Variants in NFATC1 observed in about 807,000 individuals in gnomAD.
NFATC1 encodes the protein nuclear factor of activated T cells 1.
A neutral mutation model predicts 76.0 loss-of-function variants in NFATC1; 22 were observed. The observed-to-expected ratio is 0.29, with a 90% CI of 0.21 to 0.41. The LOEUF is 0.41. NFATC1 is among the 10% of genes least tolerant of loss of function. The pLI is 1.00. For synonymous variants in NFATC1, 704 were observed against 613.1 expected (o/e 1.15, Z -2.19); for missense variants, 1,357 against 1,337.7 (o/e 1.01, Z -0.23).
At position 79,410,175 on chromosome 18, in the gene NFATC1, G is replaced by C; in HGVS notation, c.128-228G>C. 1 of 768,160 alleles carries C rather than the reference G, an allele frequency of 1.3e-6. No homozygotes were observed. The highest frequency in any genetic ancestry group is 2.3e-6 in the Non-Finnish European group (1 of 428,770). 47.6% of individuals were successfully genotyped at this position (768,160 alleles called of 1,614,324 possible). A position where few individuals can be genotyped will look rare whatever the true frequency, so the allele number is the denominator to read the frequency against. ...TGCTGCTGTTAGGGGAGGAGGGGAG[G>C]TGGGCAGTGAGGGGCTCACGGGAGC... On this transcript the variant is annotated intron_variant, in intron 1 of 9. Transcript: ENST00000427363. This position sits in a 1 kb window ranked among gnomAD's most constrained non-coding sequence, Gnocchi z 6.7.
At chr18:79,412,362 C>T (rs888001982) in intron 2 of NFATC1, among the ~76,000 whole-genome samples, 12 of 152,012 alleles carry the variant, frequency 7.9e-5, no homozygotes, top group East Asian at 1.9e-4. Context: ...TCAGGGCTGC[C>T]GCTGTGTCCT....
At chr18:79,521,047 G>A (rs1026253204) in intron 9 of NFATC1, among the ~76,000 whole-genome samples, 7 of 107,440 alleles carry the variant, frequency 6.5e-5, no homozygotes, top group Non-Finnish European at 1.3e-4. Context: ...GGGGGTGGGA[G>A]CATCCACTGA....
intron 3 of NFATC1, among the ~76,000 whole-genome samples, chr18:79,441,622 T>A (rs1042755118): frequency 1.3e-5 from 2 of 152,144 alleles, no homozygotes; most frequent in African/African-American, 4.8e-5. Flanking sequence ...GGAGAAGTGC[T>A]GAGCGGAAAC....
intron 9 of NFATC1, among the ~76,000 whole-genome samples, chr18:79,519,827 G>A (rs1002751252): frequency 6.6e-6 from 1 of 152,192 alleles, no homozygotes; most frequent in Admixed American, 6.5e-5. Flanking sequence ...CTTTCCTCTT[G>A]CAGCTTAAAG....
At position 79,528,278 on chromosome 18, in the gene NFATC1, C is replaced by G; in HGVS notation, c.*701C>G. On this transcript the variant is annotated 3_prime_UTR_variant, in exon 10 of 10. Coordinates refer to ENST00000427363, the MANE Select transcript of NFATC1 (RefSeq NM_001278669.2). ...CGCATCTTTGTTTTTAATCTGGCTT[C>G]GAACATAGCACAAGTAACTTGAATA... 1 of 214,562 alleles carries G rather than the reference C, an allele frequency of 4.7e-6. No homozygotes were observed. Among genetic ancestry groups the G allele is most frequent in the Non-Finnish European group, 9.1e-6 (1 of 109,552 alleles). 13.3% of individuals were successfully genotyped at this position (214,562 alleles called of 1,614,324 possible).
chr18:79,485,984 C>T (rs2089481063), intron 8 of NFATC1, among the ~76,000 whole-genome samples: 3 of 152,220 alleles, frequency 2.0e-5, no homozygotes, highest in Middle Eastern at 3.2e-3. Flanking sequence ...ACTCCCACTG[C>T]AGTTTGCAAG....
chr18:79,513,936 G>T (rs2090320354), intron 9 of NFATC1, among the ~76,000 whole-genome samples: 1 of 152,212 alleles, frequency 6.6e-6, no homozygotes, highest in Non-Finnish European at 1.5e-5. Flanking sequence ...TCCCTTCTCG[G>T]GGACGTGTCC....
At chr18:79,427,062 G>T (rs1355078347) in intron 2 of NFATC1, among the ~76,000 whole-genome samples, 1 of 152,200 alleles carries the variant, frequency 6.6e-6, no homozygotes, top group Non-Finnish European at 1.5e-5. Context: ...GGCTCTGGGT[G>T]CGGCTGTGGC....
chr18:79,508,768 T>C (rs1166484161), intron 9 of NFATC1, among the ~76,000 whole-genome samples: 1 of 145,956 alleles, frequency 6.9e-6, no homozygotes, highest in Non-Finnish European at 1.5e-5. Context: ...CCTTCCTCGC[T>C]CTGTTTCTCT....
intron 3 of NFATC1, chr18:79,448,403 T>G (rs1600741284): frequency 7.9e-6 from 2 of 254,560 alleles, no homozygotes; most frequent in South Asian, 5.4e-5. Flanking sequence ...CACAGGAAGG[T>G]GGGTCATGTC....
intron 6 of NFATC1, among the ~76,000 whole-genome samples, chr18:79,455,146 A>G (rs559647627): frequency 2.0e-5 from 3 of 152,096 alleles, no homozygotes; most frequent in Non-Finnish European, 4.4e-5. Flanking sequence ...GAGCTGAACA[A>G]CCTCCTTTTC....
rs1425826664 is a variant in NFATC1 at position 79,527,697 on chromosome 18, CA to C, written c.*121del. ...TCAGAACCTCCAACTGACTGAATGC[CA>C]GGAGCTGAACATTAATATGTGCAAA... On this transcript the variant is annotated 3_prime_UTR_variant, in exon 10 of 10. Coordinates refer to ENST00000427363, the MANE Select transcript of NFATC1 (RefSeq NM_001278669.2). 2.3e-6 allele frequency: 2 copies of C among 879,504 alleles called. No homozygotes were observed. Among genetic ancestry groups the C allele is most frequent in the Non-Finnish European group, 3.7e-6 (2 of 540,454 alleles). The allele number at this position is 879,504 out of a possible 1,614,324, so 54.5% of individuals were successfully genotyped here. A position where few individuals can be genotyped will look rare whatever the true frequency, so the allele number is the denominator to read the frequency against.
chr18:79,444,884 G>A (rs1021932572), intron 3 of NFATC1, among the ~76,000 whole-genome samples: 2 of 152,228 alleles, frequency 1.3e-5, no homozygotes, highest in Non-Finnish European at 2.9e-5. Flanking sequence ...GTGAGGAAGT[G>A]GACGCTGCGT....
chr18:79,451,044 A>T lies in NFATC1; in HGVS notation c.1680A>T (p.Val560=). ...ETDIGRKNTR[V]RLVFRVHVPQ... is the part of the protein sequence containing the mutation. ...ACATCGGGAGGAAGAACACACGGGT[A>T]CGGCTGGTGTTCCGCGTTCACGTCC... The change falls in exon 5 of 10, where the codon GTA becomes GTT. Residue 560 remains valine, a synonymous_variant. Coordinates refer to ENST00000427363, the MANE Select transcript of NFATC1 (RefSeq NM_001278669.2). 1 of 1,613,558 alleles carries T rather than the reference A, an allele frequency of 6.2e-7. No homozygotes were observed. The highest frequency in any genetic ancestry group is 8.5e-7 in the Non-Finnish European group (1 of 1,180,018).
At position 79,448,808 on chromosome 18, in the gene NFATC1, G is replaced by A. The variant is rs371927214; in HGVS notation, c.1413G>A (p.Pro471=). ...VQLHGYLENE[P]LMLQLFIGTA... is the part of the protein sequence containing the mutation. ...TGCATGGCTACTTGGAGAATGAGCC[G>A]CTGATGCTGCAGCTTTTCATTGGGA... is the stretch of plus-strand genomic sequence containing the variant. The change falls in exon 4 of 10, where the codon CCG becomes CCA. Residue 471 remains proline (P), a synonymous_variant. Coordinates refer to ENST00000427363, the MANE Select transcript of NFATC1 (RefSeq NM_001278669.2). The A allele has an allele frequency of 2.1e-5, 34 of 1,613,782 alleles. 1 individual carries two copies. The highest frequency in any genetic ancestry group is 1.2e-4 in the African/African-American group (9 of 75,062).
intron 9 of NFATC1, among the ~76,000 whole-genome samples, chr18:79,520,231 A>C (rs62096925): frequency 0.058 from 8,841 of 151,734 alleles, 322 homozygotes; most frequent in Admixed American, 0.097. Flanking sequence ...GGAGGTCCGG[A>C]CGAAATGTTG....
intron 9 of NFATC1, 184 bp from the exon 10 acceptor site, chr18:79,527,344 G>A (rs892359266): frequency 8.0e-5 from 46 of 575,122 alleles, no homozygotes; most frequent in East Asian, 2.3e-4. Context: ...GCTCTCTGCC[G>A]AGGCAGCCAG....
rs116299123 is a variant in NFATC1, at chr18:79,410,064, G to T, written c.128-339G>T. ...GGAAGGACGTTCGGATGAAGATGGG[G>T]TGGTTGGGGAAGGTGGTTTTTGAAT... On this transcript the variant is annotated intron_variant, in intron 1 of 9. Coordinates refer to ENST00000427363, the MANE Select transcript of NFATC1 (RefSeq NM_001278669.2). This position sits in a 1 kb window ranked among gnomAD's most constrained non-coding sequence, Gnocchi z 6.7. The T allele has an allele frequency of 7.2e-3, 4,670 of 650,314 alleles. 151 individuals carry two copies. The African/African-American group carries it at 0.072, about 10-fold the overall frequency. The allele number at this position is 650,314 out of a possible 1,614,324, so 40.3% of individuals were successfully genotyped here. A position where few individuals can be genotyped will look rare whatever the true frequency, so the allele number is the denominator to read the frequency against.
At chr18:79,443,812 G>C (rs972336426) in intron 3 of NFATC1, among the ~76,000 whole-genome samples, 1 of 152,234 alleles carries the variant, frequency 6.6e-6, no homozygotes, top group African/African-American at 2.4e-5. Context: ...GCTGCCCAGA[G>C]ACCCCAGCCC....
Sources: allele counts gnomAD v4.1 joint callset (sites outside exome capture counted in the v4.1 genomes callset), GRCh38; gene constraint gnomAD v4.1.1; non-coding constraint Gnocchi (gnomAD v3.1); transcripts MANE v1.5; gene names NCBI Gene and HGNC (gene_info 2026-07-23, HGNC 2026-07-21).